ZSWIM2: variants seen among roughly 807,000 people sequenced by gnomAD.
ZSWIM2 encodes the protein zinc finger SWIM-type containing 2.
A neutral mutation model predicts 48.4 loss-of-function variants in ZSWIM2; 38 were observed. The ratio of observed to expected loss-of-function variants is 0.79; its 90% confidence interval spans 0.61 to 1.03. ZSWIM2 has a LOEUF of 1.03. ZSWIM2 is among the 50% of genes least tolerant of loss of function. ZSWIM2 has a pLI of 0.00. For synonymous variants in ZSWIM2, 240 were observed against 251.3 expected, an observed-to-expected ratio of 0.96 and a Z score of 0.42; for missense variants, 776 against 730.2, an observed-to-expected ratio of 1.06 and a Z score of -0.72.
intron 3 of ZSWIM2, among the ~76,000 whole-genome samples, chr2:186,841,002 G>T (rs1318879591): frequency 1.3e-5 from 2 of 151,410 alleles, no homozygotes. Context: ...AATTTTATTT[G>T]CATCAAAGGC....
intron 3 of ZSWIM2, among the ~76,000 whole-genome samples, chr2:186,843,384 A>G (rs914888793): frequency 2.0e-5 from 3 of 151,718 alleles, no homozygotes; most frequent in Non-Finnish European, 4.4e-5. Context: ...CTGCCTATCT[A>G]GAAGGTGAAA....
chr2:186,847,647 A>G, intron 2 of ZSWIM2, 72 bp downstream of exon 2: 3 of 1,155,100 alleles, frequency 2.6e-6, no homozygotes, highest in Non-Finnish European at 2.4e-6. Flanking sequence ...TATTGAAACC[A>G]TGACAAAGGC....
chr2:186,833,258 C>G, intron 6 of ZSWIM2, 26 bp from the exon 7 acceptor site: 2 of 1,194,320 alleles, frequency 1.7e-6, no homozygotes, highest in East Asian at 5.2e-5. Context: ...GTAGATGTTA[C>G]TTTGCAAAGT....
intron 3 of ZSWIM2, 28 bp downstream of exon 3, chr2:186,844,689 C>T: frequency 1.5e-6 from 2 of 1,312,036 alleles, no homozygotes; most frequent in South Asian, 1.5e-5. Flanking sequence ...AAAAAAAAAA[C>T]ACAAAAAACC....
chr2:186,830,019 A>G lies in ZSWIM2; in HGVS notation c.942-139T>C, dbSNP rs950940914. On this transcript the variant is annotated intron_variant, in intron 7 of 8. Coordinates refer to ENST00000295131, the MANE Select transcript of ZSWIM2 (RefSeq NM_182521.3). ...TCTTGAACTAAAGATAATAAATCTCATATATTATAAAGTTAAAAAAATCTA... is the reference window on the plus strand; with the variant it reads ...TCTTGAACTAAAGATAATAAATCTCGTATATTATAAAGTTAAAAAAATCTA... The G allele has an allele frequency of 7.6e-6, 6 of 788,484 alleles. No individual in the cohort carries two copies. The African/African-American group carries it at 9.0e-5, about 12-fold the overall frequency. The allele number at this position is 788,484 out of a possible 1,614,324, so 48.8% of individuals were successfully genotyped here.
Position 186,835,696 on chromosome 2 carries a change from T to C in ZSWIM2, c.743+1610A>G, listed in dbSNP as rs372658172. Reference sequence around the variant, plus strand: ...AGGAATGAAGAAACTTTCTAGTTAATCTTGTCTCCTACTCAATGTGTTCCT... The same window carrying C: ...AGGAATGAAGAAACTTTCTAGTTAACCTTGTCTCCTACTCAATGTGTTCCT... On this transcript the variant is annotated intron_variant, in intron 5 of 8. Coordinates refer to ENST00000295131, the MANE Select transcript of ZSWIM2 (RefSeq NM_182521.3). 3.0e-4 allele frequency among the ~76,000 whole-genome samples: 46 copies of C among 152,334 alleles called. No homozygotes were observed. In the East Asian group the frequency reaches 8.7e-3, roughly 29 times the overall value.
chr2:186,847,086 T>C (rs1559117143), intron 2 of ZSWIM2, among the ~76,000 whole-genome samples: 1 of 151,802 alleles, frequency 6.6e-6, no homozygotes, highest in African/African-American at 2.4e-5. Context: ...TGTTCACTAT[T>C]GGGGTGATTA....
intron 7 of ZSWIM2, among the ~76,000 whole-genome samples, chr2:186,832,737 T>C (rs992684874): frequency 6.6e-6 from 1 of 152,178 alleles, no homozygotes; most frequent in Non-Finnish European, 1.5e-5. Flanking sequence ...TCATATCTAG[T>C]ATAGTTTCTG....
chr2:186,839,496 A>G (rs1431501952), intron 3 of ZSWIM2, among the ~76,000 whole-genome samples: 2 of 151,804 alleles, frequency 1.3e-5, no homozygotes, highest in Non-Finnish European at 1.5e-5. Context: ...TAGTCCATAA[A>G]CAAATATTTT....
In ZSWIM2 at chr2:186,838,244, T is replaced by C. The variant is rs1199673970; in HGVS notation, c.495-690A>G. Reference sequence around the variant, plus strand: ...TATAATAAAAAAATTAAAAATAAAATAAAATAAAAGTAGACAGCTGATCTG... The same window carrying C: ...TATAATAAAAAAATTAAAAATAAAACAAAATAAAAGTAGACAGCTGATCTG... On this transcript the variant is annotated intron_variant, in intron 4 of 8. Transcript: ENST00000295131. Among the ~76,000 whole-genome samples, 6 of 147,606 alleles carry C rather than the reference T, an allele frequency of 4.1e-5. No individual in the cohort carries two copies. The East Asian group carries it at 9.9e-4, about 24-fold the overall frequency.
At chr2:186,846,717 C>T (rs930680142) in intron 2 of ZSWIM2, among the ~76,000 whole-genome samples, 5 of 151,108 alleles carry the variant, frequency 3.3e-5, no homozygotes, top group East Asian at 1.9e-4. Context: ...AGCAAAGATA[C>T]GGAATCAACC....
In ZSWIM2 at chr2:186,844,774, GA is replaced by G. The variant is rs771706125; in HGVS notation, c.243-18del. 2.0e-5 allele frequency: 30 copies of G among 1,535,258 alleles called. No homozygotes were observed. The highest frequency in any genetic ancestry group is 5.7e-5 in the African/African-American group (4 of 69,912). On this transcript the variant is annotated intron_variant, in intron 2 of 8. Coordinates refer to ENST00000295131, the MANE Select transcript of ZSWIM2 (RefSeq NM_182521.3). ...AACAAGACCCTAACATTCACAAGTA[GA>G]AAAAAAATCAAGACATTTATTTTTG...
At chr2:186,839,462 T>C (rs1014932232) in intron 3 of ZSWIM2, among the ~76,000 whole-genome samples, 2 of 151,906 alleles carry the variant, frequency 1.3e-5, no homozygotes, top group South Asian at 4.1e-4. Flanking sequence ...GTTACAATCA[T>C]GTCTTATACT....
Position 186,839,155 on chromosome 2 carries a change from C to A in ZSWIM2, c.298G>T (p.Gly100Cys), listed in dbSNP as rs766728951. The A allele has an allele frequency of 3.1e-6, 5 of 1,610,552 alleles. No individual in the cohort carries two copies. The highest frequency in any genetic ancestry group is 3.4e-6 in the Non-Finnish European group (4 of 1,177,736). Residue 100 changes from glycine to cysteine, a missense_variant, in exon 4 of 9, where the codon GGT becomes TGT. Gly to Cys is a radical substitution (Grantham distance 159, BLOSUM62 -3). Transcript: ENST00000295131. Reference protein sequence around the residue: ...PRNHESALQLGLGEREISDLL... With the variant: ...PRNHESALQLCLGEREISDLL... ...TCACTTATCTCTCTTTCTCCAAGAC[C>A]CAGTTGTAAAGCAGCTAGTGAGAAA... is the stretch of plus-strand genomic sequence containing the variant.
chr2:186,830,581 T>C (rs1691680655), intron 7 of ZSWIM2, among the ~76,000 whole-genome samples: 1 of 152,108 alleles, frequency 6.6e-6, no homozygotes, highest in African/African-American at 2.4e-5. Context: ...GTGAAGGGTA[T>C]GGTAAGCCAC....
At chr2:186,833,361 C>A in intron 6 of ZSWIM2, 129 bp from the exon 7 acceptor site, 1 of 478,386 alleles carries the variant, frequency 2.1e-6, no homozygotes, top group Non-Finnish European at 3.7e-6. Context: ...TATTATTTTT[C>A]AACATGTTAA....
intron 5 of ZSWIM2, among the ~76,000 whole-genome samples, chr2:186,834,939 TA>T: frequency 6.6e-6 from 1 of 152,126 alleles, no homozygotes; most frequent in South Asian, 2.1e-4. Context: ...GTTCTGGGCG[TA>T]AGGATGTGGA....
At chr2:186,831,586 T>C (rs540805544) in intron 7 of ZSWIM2, among the ~76,000 whole-genome samples, 1 of 152,036 alleles carries the variant, frequency 6.6e-6, no homozygotes, top group African/African-American at 2.4e-5. Flanking sequence ...GTATGTTTAT[T>C]GCGGCACTAT....
rs533293735 is a variant in ZSWIM2, at chr2:186,839,815, AG to A, written c.284-647del. 1.6e-4 allele frequency among the ~76,000 whole-genome samples: 25 copies of A among 151,634 alleles called. No homozygotes were observed. The South Asian group carries it at 5.2e-3, about 31-fold the overall frequency. On this transcript the variant is annotated intron_variant, in intron 3 of 8. Coordinates refer to ENST00000295131, the MANE Select transcript of ZSWIM2 (RefSeq NM_182521.3). ...ATTTTCTCTATCCTGCAATCCTTAA[AG>A]GAATGATGTTCTAAGTGCCTATAGT... is the stretch of plus-strand genomic sequence containing the variant.
Sources: allele counts gnomAD v4.1 joint callset (sites outside exome capture counted in the v4.1 genomes callset), GRCh38; gene constraint gnomAD v4.1.1; transcripts MANE v1.5; gene names NCBI Gene and HGNC (gene_info 2026-07-23, HGNC 2026-07-21).